Variants in ACACA observed in about 807,000 individuals in gnomAD.
The protein encoded by ACACA is acetyl-CoA carboxylase 1.
A neutral mutation model predicts 296.1 loss-of-function variants in ACACA; 103 were observed. That is an observed-to-expected ratio of 0.35 (90% CI 0.30 to 0.41). The LOEUF (loss-of-function observed/expected upper bound fraction) is 0.41. ACACA is among the 10% of genes least tolerant of loss of function. The pLI, the probability that ACACA is intolerant of heterozygous loss-of-function variation, is 1.00. For synonymous variants in ACACA, 953 were observed against 1,038.6 expected (o/e 0.92, Z 1.58); for missense variants, 1,554 against 2,989.7 (o/e 0.52, Z 11.20).
intron 41 of ACACA, among the ~76,000 whole-genome samples, chr17:37,169,512 C>T (rs756200926): frequency 1.3e-5 from 2 of 152,164 alleles, no homozygotes; most frequent in Non-Finnish European, 2.9e-5. Context: ...AGGATTAGAT[C>T]ATTGCTTTGG....
intron 41 of ACACA, among the ~76,000 whole-genome samples, chr17:37,177,323 G>C (rs1407400932): frequency 1.3e-5 from 2 of 151,044 alleles, no homozygotes; most frequent in African/African-American, 4.9e-5. Flanking sequence ...ACAGAGGCCC[G>C]TATAATAAGA....
At chr17:37,126,741 T>A in intron 47 of ACACA, among the ~76,000 whole-genome samples, 1 of 152,190 alleles carries the variant, frequency 6.6e-6, no homozygotes, top group East Asian at 1.9e-4. Flanking sequence ...TAGACTAAAC[T>A]TGTAATTACT....
intron 2 of ACACA, among the ~76,000 whole-genome samples, chr17:37,331,684 G>A (rs1477848240): frequency 6.6e-6 from 1 of 152,008 alleles, no homozygotes; most frequent in African/African-American, 2.4e-5. Flanking sequence ...AGGACTATGG[G>A]TGTGAGCCAC....
At chr17:37,253,299 G>A (rs2081078003) in intron 14 of ACACA, among the ~76,000 whole-genome samples, 1 of 152,140 alleles carries the variant, frequency 6.6e-6, no homozygotes, top group African/African-American at 2.4e-5. Context: ...GGCTGAGGCA[G>A]GAGAATGGCG....
At chr17:37,130,339 G>C in intron 45 of ACACA, 121 bp from the exon 46 acceptor site, 1 of 1,289,880 alleles carries the variant, frequency 7.8e-7, no homozygotes, top group South Asian at 1.3e-5. Flanking sequence ...GTCTCCATGG[G>C]TTGGTTGTTC....
At chr17:37,369,525 CAA>C (rs1379572035) in intron 1 of ACACA, 1 of 151,734 alleles carries the variant, frequency 6.6e-6, no homozygotes, top group Admixed American at 6.6e-5. Flanking sequence ...ATGGGCAAAA[CAA>C]GCCAGGTGCA....
At chr17:37,114,148 A>C (rs2074118248) in intron 50 of ACACA, among the ~76,000 whole-genome samples, 1 of 151,944 alleles carries the variant, frequency 6.6e-6, no homozygotes, top group African/African-American at 2.4e-5. Context: ...TTGCCACTGC[A>C]CTCTAGCCTG....
intron 1 of ACACA, among the ~76,000 whole-genome samples, chr17:37,402,638 TAG>T (rs2051329632): frequency 6.6e-6 from 1 of 152,146 alleles, no homozygotes. Flanking sequence ...AGTGAAAGCA[TAG>T]AGTATGTATC....
intron 3 of ACACA, among the ~76,000 whole-genome samples, chr17:37,302,648 T>A (rs1039057948): frequency 2.0e-5 from 3 of 152,354 alleles, no homozygotes; most frequent in Middle Eastern, 6.8e-3. Context: ...ATAAGTCTTA[T>A]ACCTTTTTTG....
At chr17:37,102,250 G>A (rs2073407624) in intron 52 of ACACA, among the ~76,000 whole-genome samples, 3 of 146,622 alleles carry the variant, frequency 2.0e-5, no homozygotes. Flanking sequence ...TGTCGCCCAG[G>A]CTGGAGTGCA....
At chr17:37,369,662 G>A (rs533375442) in intron 1 of ACACA, among the ~76,000 whole-genome samples, 2 of 151,852 alleles carry the variant, frequency 1.3e-5, no homozygotes, top group Non-Finnish European at 2.9e-5. Context: ...AAAAAAATAG[G>A]CAAAACTCAT....
chr17:37,235,562 C>T (rs1218323888), intron 24 of ACACA, among the ~76,000 whole-genome samples: 2 of 152,134 alleles, frequency 1.3e-5, no homozygotes, highest in African/African-American at 4.8e-5. Context: ...TCCCCCAGAG[C>T]TTGAGATTCT....
intron 45 of ACACA, among the ~76,000 whole-genome samples, chr17:37,139,334 T>C (rs2075464936): frequency 6.6e-6 from 1 of 152,162 alleles, no homozygotes; most frequent in Admixed American, 6.5e-5. Context: ...GGTAGAGGCA[T>C]TTCTTCATTC....
intron 1 of ACACA, among the ~76,000 whole-genome samples, chr17:37,394,403 GT>G (rs1205250884): frequency 2.6e-5 from 4 of 151,476 alleles, no homozygotes; most frequent in Non-Finnish European, 2.9e-5. Flanking sequence ...TAGAGATGGG[GT>G]TTCACAATGT....
intron 16 of ACACA, among the ~76,000 whole-genome samples, chr17:37,250,983 C>T (rs1181277386): frequency 1.3e-5 from 2 of 152,044 alleles, no homozygotes; most frequent in African/African-American, 4.8e-5. Context: ...GCCGAGATTG[C>T]GCCACTGCAC....
At chr17:37,127,433 C>A (rs2074842298) in intron 47 of ACACA, among the ~76,000 whole-genome samples, 1 of 152,138 alleles carries the variant, frequency 6.6e-6, no homozygotes, top group African/African-American at 2.4e-5. Context: ...GTAGATCCTA[C>A]CCAGTTCCGA....
intron 51 of ACACA, among the ~76,000 whole-genome samples, chr17:37,112,255 A>G (rs900693944): frequency 1.3e-5 from 2 of 152,172 alleles, no homozygotes; most frequent in Non-Finnish European, 2.9e-5. Flanking sequence ...CAGAAACTTT[A>G]CCCCAAACAT....
intron 3 of ACACA, among the ~76,000 whole-genome samples, chr17:37,288,172 CAT>C (rs991017842): frequency 6.6e-6 from 1 of 152,144 alleles, no homozygotes; most frequent in Admixed American, 6.6e-5. Context: ...TGCCAGTGTA[CAT>C]GTTTTGTTTC....
At chr17:37,310,332 TGAA>T (rs1200780324) in intron 3 of ACACA, among the ~76,000 whole-genome samples, 1 of 152,052 alleles carries the variant, frequency 6.6e-6, no homozygotes, top group Non-Finnish European at 1.5e-5. Context: ...ATCAAATTTA[TGAA>T]GAAGATAGGG....
Sources: allele counts gnomAD v4.1 joint callset (sites outside exome capture counted in the v4.1 genomes callset), GRCh38; gene constraint gnomAD v4.1.1; transcripts MANE v1.5; gene names NCBI Gene and HGNC (gene_info 2026-07-23, HGNC 2026-07-21).